ARHGAP15: variants seen among roughly 807,000 people sequenced by gnomAD.
The protein encoded by ARHGAP15 is Rho GTPase activating protein 15.
Under a neutral mutation model 63.7 loss-of-function variants are expected in ARHGAP15, and 51 were observed. That is an observed-to-expected ratio of 0.80 (90% CI 0.64 to 1.01). The LOEUF is 1.01. Among genes scored for constraint, ARHGAP15 ranks in the 50% least tolerant of loss-of-function variants. The pLI, the probability that ARHGAP15 is intolerant of heterozygous loss-of-function variation, is 0.00. For synonymous variants in ARHGAP15, 191 were observed against 193.8 expected, an observed-to-expected ratio of 0.99 and a Z score of 0.12; for missense variants, 560 against 564.6, an observed-to-expected ratio of 0.99 and a Z score of 0.08.
intron 8 of ARHGAP15, among the ~76,000 whole-genome samples, chr2:143,451,158 TAAAC>T (rs1690390512): frequency 6.6e-6 from 1 of 151,896 alleles, no homozygotes; most frequent in South Asian, 2.1e-4. Context: ...GGGACGGAAA[TAAAC>T]CTCAGTAAAG....
chr2:143,411,152 C>T (rs1297771328), intron 6 of ARHGAP15, among the ~76,000 whole-genome samples: 1 of 151,960 alleles, frequency 6.6e-6, no homozygotes, highest in African/African-American at 2.4e-5. Context: ...CTGCAGTGGG[C>T]CAAGATCATG....
chr2:143,704,872 C>A (rs1418705995), intron 13 of ARHGAP15, among the ~76,000 whole-genome samples: 2 of 152,104 alleles, frequency 1.3e-5, no homozygotes, highest in Non-Finnish European at 2.9e-5. Flanking sequence ...TTGCACCCCC[C>A]AAAATTAAGC....
intron 10 of ARHGAP15, among the ~76,000 whole-genome samples, chr2:143,526,029 A>AC: frequency 6.6e-6 from 1 of 152,274 alleles, no homozygotes; most frequent in East Asian, 1.9e-4. Context: ...AGAGAAACTT[A>AC]CTTATGCTCA....
At chr2:143,485,510 G>A (rs543756040) in intron 8 of ARHGAP15, among the ~76,000 whole-genome samples, 10 of 152,090 alleles carry the variant, frequency 6.6e-5, no homozygotes, top group Admixed American at 5.9e-4. Context: ...TTTTCTCAAT[G>A]TATAGATAGA....
At chr2:143,541,380 CAA>C (rs1349989322) in intron 10 of ARHGAP15, among the ~76,000 whole-genome samples, 1 of 152,226 alleles carries the variant, frequency 6.6e-6, no homozygotes, top group East Asian at 1.9e-4. Flanking sequence ...CTCAACTCGT[CAA>C]AGTCATTCTC....
chr2:143,431,304 T>A (rs1689380765), intron 6 of ARHGAP15, among the ~76,000 whole-genome samples: 1 of 152,092 alleles, frequency 6.6e-6, no homozygotes, highest in African/African-American at 2.4e-5. Flanking sequence ...CTTAATTCTA[T>A]CATTTAAAAT....
At chr2:143,420,846 A>G (rs1688887237) in intron 6 of ARHGAP15, among the ~76,000 whole-genome samples, 2 of 152,180 alleles carry the variant, frequency 1.3e-5, no homozygotes, top group Admixed American at 6.5e-5. Flanking sequence ...CACATGTGCT[A>G]TATTTGCATT....
intron 13 of ARHGAP15, among the ~76,000 whole-genome samples, chr2:143,717,663 CA>C (rs1684867957): frequency 6.6e-6 from 1 of 152,158 alleles, no homozygotes. Context: ...GGTCTGTACA[CA>C]AGACATGAAA....
intron 2 of ARHGAP15, among the ~76,000 whole-genome samples, chr2:143,187,752 T>G (rs1691506369): frequency 6.6e-6 from 1 of 152,250 alleles, no homozygotes; most frequent in South Asian, 2.1e-4. Context: ...TTGAAGGATC[T>G]GATAAGGAAG....
At chr2:143,364,210 A>C (rs1370784715) in intron 6 of ARHGAP15, among the ~76,000 whole-genome samples, 19 of 151,516 alleles carry the variant, frequency 1.3e-4, no homozygotes, top group African/African-American at 2.4e-4. Context: ...CAACAAAAAA[A>C]AAAAAAAAAC....
chr2:143,409,912 C>T (rs893906458), intron 6 of ARHGAP15, among the ~76,000 whole-genome samples: 1 of 151,934 alleles, frequency 6.6e-6, no homozygotes, highest in Non-Finnish European at 1.5e-5. Flanking sequence ...AGAATGTATC[C>T]CTGTCATTAA....
chr2:143,241,668 A>G (rs1051784975), intron 5 of ARHGAP15, among the ~76,000 whole-genome samples: 2 of 152,232 alleles, frequency 1.3e-5, no homozygotes, highest in African/African-American at 4.8e-5. Context: ...TGACAACACA[A>G]GGCACTTGAA....
intron 6 of ARHGAP15, among the ~76,000 whole-genome samples, chr2:143,413,966 T>TGTGCGCGCGC: frequency 1.3e-4 from 15 of 117,924 alleles, no homozygotes; most frequent in Middle Eastern, 4.0e-3. Flanking sequence ...TGTGTGTGTG[T>TGTGCGCGCGC]GCGCGCTCTC....
chr2:143,151,930 A>C (rs1050457813), intron 1 of ARHGAP15, among the ~76,000 whole-genome samples: 1 of 151,928 alleles, frequency 6.6e-6, no homozygotes, highest in East Asian at 1.9e-4. Flanking sequence ...CACAGCTGTC[A>C]TCATCCTGTT....
At chr2:143,229,453 T>C (rs748246818) in intron 5 of ARHGAP15, among the ~76,000 whole-genome samples, 1 of 152,140 alleles carries the variant, frequency 6.6e-6, no homozygotes, top group Non-Finnish European at 1.5e-5. Context: ...ACAGTGATAA[T>C]AAGTAAGAGC....
intron 13 of ARHGAP15, among the ~76,000 whole-genome samples, chr2:143,744,855 T>G (rs536813963): frequency 3.2e-4 from 48 of 152,206 alleles, no homozygotes; most frequent in Non-Finnish European, 6.3e-4. Flanking sequence ...AAAATGTACA[T>G]CCGTTGGGAA....
chr2:143,464,309 A>T (rs1691100475), intron 8 of ARHGAP15, among the ~76,000 whole-genome samples: 2 of 152,158 alleles, frequency 1.3e-5, no homozygotes, highest in Admixed American at 1.3e-4. Flanking sequence ...ATTTATTTTA[A>T]TAGTGACCTA....
chr2:143,574,991 C>T (rs1453395762), intron 11 of ARHGAP15, among the ~76,000 whole-genome samples: 1 of 152,120 alleles, frequency 6.6e-6, no homozygotes, highest in Non-Finnish European at 1.5e-5. Flanking sequence ...TTTATGCTTA[C>T]AGAGTAAAAT....
intron 6 of ARHGAP15, among the ~76,000 whole-genome samples, chr2:143,348,119 C>T (rs1685379687): frequency 6.6e-6 from 1 of 152,172 alleles, no homozygotes; most frequent in East Asian, 1.9e-4. Context: ...TCCCCAGTAA[C>T]CTATTGGGGC....
Sources: gnomAD v4.1 joint callset for allele counts (sites outside exome capture counted in the v4.1 genomes callset) on GRCh38, gnomAD v4.1.1 for gene constraint, MANE v1.5 for transcripts, NCBI Gene and HGNC (gene_info 2026-07-23, HGNC 2026-07-21) for gene names.